Variants in ZPLD1 observed in about 807,000 individuals in gnomAD.
ZPLD1 encodes zona pellucida-like domain-containing protein 1.
A neutral mutation model predicts 47.2 loss-of-function variants in ZPLD1; 34 were observed. That is an observed-to-expected ratio of 0.72 (90% CI 0.55 to 0.96). ZPLD1 has a LOEUF of 0.96. Ranked by LOEUF, ZPLD1 falls within the 40% of genes least tolerant of loss-of-function variation. The pLI, the probability that ZPLD1 is intolerant of heterozygous loss-of-function variation, is 0.00. For synonymous variants in ZPLD1, 176 were observed against 186.2 expected (o/e 0.95, Z 0.45); for missense variants, 512 against 505.8 (o/e 1.01, Z -0.12).
At chr3:102,448,076 A>G (rs974369856) in intron 3 of ZPLD1, among the ~76,000 whole-genome samples, 1 of 152,226 alleles carries the variant, frequency 6.6e-6, no homozygotes, top group African/African-American at 2.4e-5. Flanking sequence ...TGCCCGATAG[A>G]TGGACGACAG....
At chr3:102,419,635 AT>A (rs143303657) in intron 8 of ZPLD1, among the ~76,000 whole-genome samples, 21,161 of 144,514 alleles carry the variant, frequency 0.15, 1,866 homozygotes, top group Middle Eastern at 0.23. Context: ...TAAACGACTG[AT>A]TTTTTTTTTT....
chr3:102,470,554 C>A (rs1186137545), intron 10 of ZPLD1, 52 bp downstream of exon 10: 2 of 1,449,838 alleles, frequency 1.4e-6, no homozygotes, highest in Non-Finnish European at 1.9e-6. Flanking sequence ...CAAAATGCCT[C>A]GTTACTTGGC....
At chr3:102,455,551 T>C (rs1707400114) in intron 4 of ZPLD1, among the ~76,000 whole-genome samples, 1 of 152,210 alleles carries the variant, frequency 6.6e-6, no homozygotes, top group Non-Finnish European at 1.5e-5. Context: ...CATTCATTTG[T>C]TTGAAAATCC....
chr3:102,455,246 C>A (rs765337900), intron 4 of ZPLD1, among the ~76,000 whole-genome samples: 6 of 152,184 alleles, frequency 3.9e-5, no homozygotes, highest in African/African-American at 1.4e-4. Flanking sequence ...ATTGAGTGCT[C>A]TCTTGTATTT....
chr3:102,389,657 G>T (rs1336871531), intron 6 of ZPLD1, among the ~76,000 whole-genome samples: 2 of 152,144 alleles, frequency 1.3e-5, no homozygotes, highest in Non-Finnish European at 2.9e-5. Flanking sequence ...CAGAGAAAGT[G>T]ATTTTGTATG....
chr3:102,471,977 G>T (rs190175295), intron 10 of ZPLD1, among the ~76,000 whole-genome samples: 4 of 151,932 alleles, frequency 2.6e-5, no homozygotes, highest in African/African-American at 9.7e-5. Context: ...TTACATTTTC[G>T]GTATCTTTTC....
At chr3:102,395,734 GGTGTCATCTA>G (rs1171562568) in intron 7 of ZPLD1, among the ~76,000 whole-genome samples, 1 of 152,122 alleles carries the variant, frequency 6.6e-6, no homozygotes, top group East Asian at 1.9e-4. Context: ...TTGTCTCCAA[GGTGTCATCTA>G]TTTTAAGACA....
At chr3:102,453,887 A>G (rs1432258479) in intron 4 of ZPLD1, among the ~76,000 whole-genome samples, 1 of 152,242 alleles carries the variant, frequency 6.6e-6, no homozygotes, top group African/African-American at 2.4e-5. Context: ...TAAAATTAAT[A>G]GAAGTGAATA....
chr3:102,402,737 G>A (rs1706635894), intron 7 of ZPLD1, among the ~76,000 whole-genome samples: 1 of 151,934 alleles, frequency 6.6e-6, no homozygotes, highest in Non-Finnish European at 1.5e-5. Flanking sequence ...CAAAAACCCA[G>A]AGGTTAGAAA....
intron 6 of ZPLD1, among the ~76,000 whole-genome samples, chr3:102,389,684 GTT>G: frequency 6.6e-6 from 1 of 152,120 alleles, no homozygotes; most frequent in Admixed American, 6.5e-5. Flanking sequence ...GGTTAACGTG[GTT>G]CATTTATATA....
chr3:102,447,429 T>G (rs1707274745), intron 3 of ZPLD1, among the ~76,000 whole-genome samples: 1 of 152,210 alleles, frequency 6.6e-6, no homozygotes, highest in African/African-American at 2.4e-5. Flanking sequence ...AGATGTTTAC[T>G]TTTTCAGATC....
At chr3:102,392,799 G>A (rs1706512220) in intron 7 of ZPLD1, among the ~76,000 whole-genome samples, 1 of 152,072 alleles carries the variant, frequency 6.6e-6, no homozygotes, top group African/African-American at 2.4e-5. Context: ...TCAAACCGTA[G>A]CAACCAAACT....
chr3:102,399,332 G>A (rs1033093276), intron 7 of ZPLD1, among the ~76,000 whole-genome samples: 2 of 152,028 alleles, frequency 1.3e-5, no homozygotes, highest in Non-Finnish European at 2.9e-5. Context: ...TCTTCTCCAT[G>A]CCCAGATATC....
At chr3:102,433,124 T>C (rs549191710), upstream of ZPLD1, among the ~76,000 whole-genome samples, 28 of 152,340 alleles carry the variant, frequency 1.8e-4, no homozygotes, top group Non-Finnish European at 3.5e-4. Flanking sequence ...CCCCACTCCC[T>C]GGAGAGTACC....
chr3:102,444,179 A>G (rs1406477014), intron 3 of ZPLD1, among the ~76,000 whole-genome samples: 1 of 152,164 alleles, frequency 6.6e-6, no homozygotes, highest in Non-Finnish European at 1.5e-5. Flanking sequence ...TTGCTGCCTG[A>G]AAAAGATGAC....
intron 3 of ZPLD1, among the ~76,000 whole-genome samples, chr3:102,446,379 T>G (rs147539603): frequency 1.3e-5 from 2 of 152,372 alleles, no homozygotes; most frequent in African/African-American, 4.8e-5. Context: ...TCTCTTCTTA[T>G]CTGAATACTC....
intron 8 of ZPLD1, among the ~76,000 whole-genome samples, chr3:102,424,271 C>T (rs1297527604): frequency 6.6e-6 from 1 of 152,070 alleles, no homozygotes; most frequent in East Asian, 1.9e-4. Context: ...TCTCTGCCAT[C>T]AAGTTTTCCC....
chr3:102,411,709 A>T (rs1046631623), intron 7 of ZPLD1, among the ~76,000 whole-genome samples: 18 of 151,820 alleles, frequency 1.2e-4, no homozygotes, highest in African/African-American at 4.1e-4. Flanking sequence ...GAATAAATAT[A>T]ATTTCTTTCA....
At chr3:102,445,283 C>T (rs569881048) in intron 3 of ZPLD1, among the ~76,000 whole-genome samples, 19 of 152,310 alleles carry the variant, frequency 1.2e-4, no homozygotes, top group African/African-American at 3.6e-4. Flanking sequence ...TATGAGCCTT[C>T]TTTCATTGAG....
Sources: gnomAD v4.1 joint callset for allele counts (sites outside exome capture counted in the v4.1 genomes callset) on GRCh38, gnomAD v4.1.1 for gene constraint, MANE v1.5 for transcripts, NCBI Gene and HGNC (gene_info 2026-07-23, HGNC 2026-07-21) for gene names.